Variants in MPP4 observed in about 807,000 individuals in gnomAD.
MPP4 encodes the protein MAGUK p55 scaffold protein 4, also known as MAGUK p55 subfamily member 4.
A neutral mutation model predicts 98.3 loss-of-function variants in MPP4; 91 were observed. The observed-to-expected ratio is 0.93, with a 90% CI of 0.78 to 1.10. The LOEUF (loss-of-function observed/expected upper bound fraction) is 1.10, where lower values mean the gene tolerates loss of function less well. Ranked by LOEUF, MPP4 falls within the 50% of genes least tolerant of loss-of-function variation. The probability of loss-of-function intolerance (pLI) is 0.00; values close to 1 mark genes in which losing one functional copy is unlikely to be tolerated. For missense variants in MPP4, 744 were observed against 792.9 expected (o/e 0.94, Z 0.74); for synonymous variants, 261 against 271.8 (o/e 0.96, Z 0.39).
chr2:201,678,728 G>C lies in MPP4; in HGVS notation c.929+2110C>G, dbSNP rs543064036. ...TTTCCTTCCACTGGGCCTGGAGGTG[G>C]GGGGTGTGTCCTTGCTTCTCACTGC... On this transcript the variant is annotated intron_variant, in intron 10 of 21. Transcript: ENST00000409474. Among the ~76,000 whole-genome samples the C allele has an allele frequency of 3.9e-5, 6 of 152,194 alleles. No individual in the cohort carries two copies. The South Asian group carries it at 8.3e-4, about 21-fold the overall frequency.
At chr2:201,661,661 G>A in intron 14 of MPP4, 7 of 454,338 alleles carry the variant, frequency 1.5e-5, no homozygotes, top group South Asian at 1.1e-4. Context: ...TGTGTACCAG[G>A]CACTGTTCTA....
At chr2:201,681,604 GA>G in intron 8 of MPP4, 37 bp from the exon 9 acceptor site, 1 of 1,553,360 alleles carries the variant, frequency 6.4e-7, no homozygotes, top group Non-Finnish European at 8.9e-7. Context: ...GACAATCATG[GA>G]GCTAGCAGGG....
chr2:201,650,388 G>T (rs931854974), intron 18 of MPP4: 1 of 985,390 alleles, frequency 1.0e-6, no homozygotes, highest in Non-Finnish European at 1.2e-6. Flanking sequence ...GAAAAAGAAT[G>T]CACTAGGTAT....
chr2:201,685,229 CTT>C, intron 6 of MPP4, 84 bp from the exon 7 acceptor site: 1 of 211,720 alleles, frequency 4.7e-6, no homozygotes, highest in South Asian at 7.8e-5. Context: ...CAGCTCTGGT[CTT>C]TCAATCAATG....
intron 10 of MPP4, among the ~76,000 whole-genome samples, chr2:201,677,631 T>C (rs1207685194): frequency 6.6e-6 from 1 of 152,202 alleles, no homozygotes; most frequent in Admixed American, 6.5e-5. Flanking sequence ...CTAAGCACAA[T>C]GCTGCTCTTC....
At chr2:201,697,792 CTT>C (rs1689235242) in intron 1 of MPP4, 1 of 417,706 alleles carries the variant, frequency 2.4e-6, no homozygotes, top group Admixed American at 6.4e-5. Context: ...AATGCAAAAC[CTT>C]TGTTTTACAG....
At chr2:201,690,086 A>C in intron 4 of MPP4, 116 bp downstream of exon 4, 2 of 575,864 alleles carry the variant, frequency 3.5e-6, no homozygotes, top group Non-Finnish European at 6.0e-6. Context: ...CATTTATTAG[A>C]TGCATAGTCA....
chr2:201,676,653 A>G (rs997741422), intron 10 of MPP4, among the ~76,000 whole-genome samples: 3 of 152,256 alleles, frequency 2.0e-5, no homozygotes, highest in Admixed American at 6.5e-5. Flanking sequence ...TAATCCCAGC[A>G]CTTTGGGAGG....
chr2:201,659,235 C>T (rs1290805194), intron 15 of MPP4, among the ~76,000 whole-genome samples: 1 of 151,772 alleles, frequency 6.6e-6, no homozygotes, highest in Non-Finnish European at 1.5e-5. Flanking sequence ...TCTGCAAGTC[C>T]TGTAATTAAT....
At chr2:201,680,634 C>T in intron 10 of MPP4, 1 of 516,536 alleles carries the variant, frequency 1.9e-6, no homozygotes, top group Non-Finnish European at 3.4e-6. Flanking sequence ...TGTTTTCTAG[C>T]TGATATGATT....
At chr2:201,678,396 G>A (rs140543719) in intron 10 of MPP4, among the ~76,000 whole-genome samples, 14 of 152,108 alleles carry the variant, frequency 9.2e-5, no homozygotes, top group Non-Finnish European at 2.1e-4. Context: ...CAAATCTTCA[G>A]CAAACTCTCT....
intron 4 of MPP4, among the ~76,000 whole-genome samples, chr2:201,687,922 C>G (rs1688886152): frequency 6.6e-6 from 1 of 152,226 alleles, no homozygotes; most frequent in Non-Finnish European, 1.5e-5. Context: ...TCTGCTCTCT[C>G]TGCTGTGGTT....
intron 21 of MPP4, among the ~76,000 whole-genome samples, chr2:201,647,018 T>C (rs79734588): frequency 0.034 from 5,174 of 152,286 alleles, 150 homozygotes; most frequent in African/African-American, 0.082. Flanking sequence ...TCTGGGTGCA[T>C]ACACACATAA....
chr2:201,659,023 G>A (rs1356891436), intron 15 of MPP4, among the ~76,000 whole-genome samples: 2 of 152,000 alleles, frequency 1.3e-5, no homozygotes, highest in African/African-American at 2.4e-5. Context: ...AGCCTCCCGA[G>A]TTGCTGGGAT....
rs893749755 is a variant in MPP4 at position 201,649,714 on chromosome 2, A to G, written c.1476-30T>C. On this transcript the variant is annotated intron_variant, in intron 19 of 21. Coordinates refer to ENST00000409474, the MANE Select transcript of MPP4 (RefSeq NM_033066.3). ...AAGAGCAGGCCAAACAAAACAGAAC[A>G]CTTTCTACAAGGAAAATATTATTAG... 8 of 1,477,312 alleles carry G rather than the reference A, an allele frequency of 5.4e-6. No individual in the cohort carries two copies. In the Admixed American group the frequency reaches 9.2e-5, roughly 17 times the overall value. The allele number at this position is 1,477,312 out of a possible 1,614,324, so 91.5% of individuals were successfully genotyped here. A position where few individuals can be genotyped will look rare whatever the true frequency, so the allele number is the denominator to read the frequency against.
intron 18 of MPP4, chr2:201,651,090 A>G (rs1175678813): frequency 2.0e-6 from 2 of 985,414 alleles, no homozygotes; most frequent in Middle Eastern, 1.0e-3. Context: ...TAGTCCCTTA[A>G]TCTATATTAC....
At chr2:201,661,410 T>C in intron 14 of MPP4, 3 of 456,564 alleles carry the variant, frequency 6.6e-6, no homozygotes, top group Non-Finnish European at 1.3e-5. Flanking sequence ...AAGGGTTCTA[T>C]GCTTAGAAAA....
Position 201,694,027 on chromosome 2 carries a change from G to A in MPP4, c.-73C>T. The A allele has an allele frequency of 6.2e-7, 1 of 1,612,918 alleles. No homozygotes were observed. The highest frequency in any genetic ancestry group is 1.1e-5 in the South Asian group (1 of 91,016). On this transcript the variant is annotated 5_prime_UTR_variant, in exon 2 of 22. Transcript: ENST00000409474. ...CAATACACGGCACACAGCTCACTCA[G>A]TCCCACTGGCCACCAGCTCTCAGCA...
In MPP4 at chr2:201,681,571, G is replaced by A. The variant is rs555501957; in HGVS notation, c.661-4C>T. ...TGATTGTGCCTCGAGACATGGCCTG[G>A]AAAATAAGAGAGGAGAAAGGATGAC... is the stretch of plus-strand genomic sequence containing the variant. On this transcript the variant is annotated splice_region_variant and splice_polypyrimidine_tract_variant and intron_variant, in intron 8 of 21. Transcript: ENST00000409474. 3 of 1,612,304 alleles carry A rather than the reference G, an allele frequency of 1.9e-6. No homozygotes were observed. Among genetic ancestry groups the A allele is most frequent in the South Asian group, 1.1e-5 (1 of 90,848 alleles).
Sources: allele counts gnomAD v4.1 joint callset (sites outside exome capture counted in the v4.1 genomes callset), GRCh38; gene constraint gnomAD v4.1.1; transcripts MANE v1.5; gene names NCBI Gene and HGNC (gene_info 2026-07-23, HGNC 2026-07-21).